Variants in HS3ST4 observed in about 807,000 individuals in gnomAD.
HS3ST4 encodes the protein heparan sulfate glucosamine 3-O-sulfotransferase 4.
In HS3ST4, 17 loss-of-function variants were observed where a neutral mutation model predicts 29.2. That is an observed-to-expected ratio of 0.58 (90% CI 0.40 to 0.87). The LOEUF (loss-of-function observed/expected upper bound fraction) is 0.87. Ranked by LOEUF, HS3ST4 falls within the 40% of genes least tolerant of loss-of-function variation. HS3ST4 has a pLI of 0.00. For missense variants in HS3ST4, 627 were observed against 634.5 expected (o/e 0.99, Z 0.13); for synonymous variants, 314 against 285.7 (o/e 1.10, Z -1.00).
chr16:25,732,506 C>T (rs777969449), intron 1 of HS3ST4, among the ~76,000 whole-genome samples: 7 of 152,144 alleles, frequency 4.6e-5, no homozygotes, highest in African/African-American at 1.7e-4. Context: ...CAAGCTTTTT[C>T]TTTTCCAGCT....
intron 1 of HS3ST4, among the ~76,000 whole-genome samples, chr16:26,048,825 C>G (rs988001651): frequency 6.6e-6 from 1 of 151,930 alleles, no homozygotes; most frequent in East Asian, 1.9e-4. Flanking sequence ...AGAGCGAGAC[C>G]CTGTCTAAAA....
chr16:26,043,422 G>A lies in HS3ST4; in HGVS notation c.735-92190G>A, dbSNP rs530752490. On this transcript the variant is annotated intron_variant, in intron 1 of 1. Coordinates refer to ENST00000331351, the MANE Select transcript of HS3ST4 (RefSeq NM_006040.3). Reference sequence around the variant, plus strand: ...TAATACTGGAAGGCTAATAGCATGGGGAAGCCAATCTTCTTGGGTTGAAAT... The same window carrying A: ...TAATACTGGAAGGCTAATAGCATGGAGAAGCCAATCTTCTTGGGTTGAAAT... Among the ~76,000 whole-genome samples, 5 of 152,290 alleles carry A rather than the reference G, an allele frequency of 3.3e-5. No individual in the cohort carries two copies. The South Asian group carries it at 1.0e-3, about 32-fold the overall frequency.
At chr16:25,807,726 A>T (rs1967002670) in intron 1 of HS3ST4, among the ~76,000 whole-genome samples, 1 of 152,190 alleles carries the variant, frequency 6.6e-6, no homozygotes, top group Admixed American at 6.5e-5. Flanking sequence ...AAAATGTCAA[A>T]CATTTCCAGA....
chr16:25,910,404 G>A (rs142054292), intron 1 of HS3ST4, among the ~76,000 whole-genome samples: 3,439 of 152,242 alleles, frequency 0.023, 136 homozygotes, highest in African/African-American at 0.077. Flanking sequence ...ACTTTGGGAG[G>A]CCGAGGCGGG....
intron 1 of HS3ST4, among the ~76,000 whole-genome samples, chr16:25,840,795 C>A (rs1967403809): frequency 6.6e-6 from 1 of 152,038 alleles, no homozygotes; most frequent in African/African-American, 2.4e-5. Flanking sequence ...ATCAAATAAA[C>A]ACTGTGGAGT....
chr16:25,721,843 T>C (rs1435057169), intron 1 of HS3ST4, among the ~76,000 whole-genome samples: 2 of 152,232 alleles, frequency 1.3e-5, no homozygotes, highest in East Asian at 1.9e-4. Context: ...CAACCTCTGT[T>C]CCTGAAAGAG....
intron 1 of HS3ST4, among the ~76,000 whole-genome samples, chr16:25,866,904 T>C (rs932607358): frequency 6.6e-6 from 1 of 152,156 alleles, no homozygotes; most frequent in Non-Finnish European, 1.5e-5. Context: ...TATTCTTCCA[T>C]GTACTGGGAA....
chr16:25,937,649 C>G (rs1357588026), intron 1 of HS3ST4, among the ~76,000 whole-genome samples: 3 of 152,112 alleles, frequency 2.0e-5, no homozygotes, highest in Admixed American at 2.0e-4. Flanking sequence ...TATGATGGGC[C>G]TGAGGACTTT....
At chr16:25,747,202 C>T (rs1966690690) in intron 1 of HS3ST4, among the ~76,000 whole-genome samples, 1 of 152,194 alleles carries the variant, frequency 6.6e-6, no homozygotes, top group Non-Finnish European at 1.5e-5. Flanking sequence ...TGATATTTGG[C>T]ATGGAAAAAT....
At chr16:26,125,288 G>T (rs1899326656) in intron 1 of HS3ST4, among the ~76,000 whole-genome samples, 1 of 152,122 alleles carries the variant, frequency 6.6e-6, no homozygotes, top group African/African-American at 2.4e-5. Flanking sequence ...AGATGGGGGT[G>T]GGGTGGGGAT....
chr16:25,998,356 A>AT (rs1390550743), intron 1 of HS3ST4, among the ~76,000 whole-genome samples: 3 of 152,148 alleles, frequency 2.0e-5, no homozygotes, highest in Non-Finnish European at 4.4e-5. Flanking sequence ...GCAGAGAGAG[A>AT]TTATCATCTT....
chr16:26,069,331 G>T (rs1898576753), intron 1 of HS3ST4, among the ~76,000 whole-genome samples: 1 of 152,136 alleles, frequency 6.6e-6, no homozygotes, highest in Non-Finnish European at 1.5e-5. Flanking sequence ...ATCTGGGCTG[G>T]CTATGTGCCT....
intron 1 of HS3ST4, among the ~76,000 whole-genome samples, chr16:25,731,300 T>C (rs1321506963): frequency 6.6e-6 from 1 of 152,194 alleles, no homozygotes; most frequent in African/African-American, 2.4e-5. Context: ...ATAAAGTATT[T>C]GGTATGGCCT....
chr16:25,820,674 A>G (rs1426584084), intron 1 of HS3ST4, among the ~76,000 whole-genome samples: 1 of 152,010 alleles, frequency 6.6e-6, no homozygotes, highest in East Asian at 1.9e-4. Context: ...GCCTCAAGAG[A>G]TCTTCCTGCC....
At chr16:25,999,753 GTATATTTTATATATATATTTATA>G (rs1969188919) in intron 1 of HS3ST4, among the ~76,000 whole-genome samples, 1 of 132,508 alleles carries the variant, frequency 7.5e-6, no homozygotes. Flanking sequence ...AATTATATAT[GTATATTTTATATATATATTTATA>G]TATATTATAT....
Position 25,921,723 on chromosome 16 carries a change from C to T in HS3ST4, c.735-213889C>T, listed in dbSNP as rs190055388. ...GCCTTTGCTCTCACTACCCTGGGTA[C>T]CATTGATTAATTTCTCTCTTCTAAG... On this transcript the variant is annotated intron_variant, in intron 1 of 1. Coordinates refer to ENST00000331351, the MANE Select transcript of HS3ST4 (RefSeq NM_006040.3). Among the ~76,000 whole-genome samples, 127 of 151,978 alleles carry T rather than the reference C, an allele frequency of 8.4e-4. No homozygotes were observed. In the Middle Eastern group the frequency reaches 0.014, roughly 16 times the overall value.
chr16:25,927,595 C>G (rs1398232390), intron 1 of HS3ST4, among the ~76,000 whole-genome samples: 2 of 152,026 alleles, frequency 1.3e-5, no homozygotes, highest in Non-Finnish European at 2.9e-5. Flanking sequence ...GTGGACCCAA[C>G]ATAAGACAAT....
At chr16:25,962,187 G>C (rs997360623) in intron 1 of HS3ST4, among the ~76,000 whole-genome samples, 2 of 152,100 alleles carry the variant, frequency 1.3e-5, no homozygotes. Flanking sequence ...ACGAAGTCAT[G>C]GATCTCATTC....
At chr16:25,907,181 G>A (rs1468047819) in intron 1 of HS3ST4, among the ~76,000 whole-genome samples, 1 of 152,140 alleles carries the variant, frequency 6.6e-6, no homozygotes, top group Non-Finnish European at 1.5e-5. Context: ...GGGTGACAGA[G>A]TGAGACCTGT....
Sources: allele counts gnomAD v4.1 joint callset (sites outside exome capture counted in the v4.1 genomes callset), GRCh38; gene constraint gnomAD v4.1.1; transcripts MANE v1.5; gene names NCBI Gene and HGNC (gene_info 2026-07-23, HGNC 2026-07-21).